THAP4: variants seen among roughly 807,000 people sequenced by gnomAD.
THAP4 encodes THAP domain containing 4.
In THAP4, 18 loss-of-function variants were observed where a neutral mutation model predicts 48.1. The observed-to-expected ratio is 0.37, with a 90% CI of 0.26 to 0.56. THAP4 has a LOEUF of 0.56. THAP4 is among the 20% of genes least tolerant of loss of function. The pLI is 0.78. For synonymous variants in THAP4, 345 were observed against 324.9 expected, an observed-to-expected ratio of 1.06 and a Z score of -0.66; for missense variants, 656 against 774.9, an observed-to-expected ratio of 0.85 and a Z score of 1.82.
chr2:241,602,061 ACT>A, intron 4 of THAP4, 62 bp from the exon 5 acceptor site: 1 of 1,531,868 alleles, frequency 6.5e-7, no homozygotes, highest in Non-Finnish European at 8.9e-7. Flanking sequence ...GGCAGCCTTG[ACT>A]CTCCTTGCCT....
At chr2:241,622,020 A>G (rs1488597703) in intron 2 of THAP4, among the ~76,000 whole-genome samples, 1 of 152,202 alleles carries the variant, frequency 6.6e-6, no homozygotes, top group Non-Finnish European at 1.5e-5. Flanking sequence ...AAGGAGAAGT[A>G]AAGAACTTAC....
intron 2 of THAP4, among the ~76,000 whole-genome samples, chr2:241,609,254 A>G (rs745758693): frequency 6.6e-6 from 1 of 152,086 alleles, no homozygotes; most frequent in Non-Finnish European, 1.5e-5. Context: ...TGAAACACGT[A>G]AGAAAAGATG....
At position 241,592,836 on chromosome 2, in the gene THAP4, C is replaced by T. The variant is rs540174808; in HGVS notation, c.1615-8111G>A. Among the ~76,000 whole-genome samples the T allele has an allele frequency of 3.9e-5, 6 of 152,304 alleles. No homozygotes were observed. The South Asian group carries it at 1.0e-3, about 26-fold the overall frequency. ...GGGAAATGCCCCAAACAGCAGTCAG[C>T]GGGGCCACAGTGCCTAACAAGGGCC... On this transcript the variant is annotated intron_variant, in intron 5 of 5. Transcript: ENST00000407315.
chr2:241,594,214 T>C (rs1260232242), intron 5 of THAP4, among the ~76,000 whole-genome samples: 4 of 152,074 alleles, frequency 2.6e-5, no homozygotes, highest in African/African-American at 7.2e-5. Flanking sequence ...GAAGGAAGAT[T>C]AGTGGTAGCC....
intron 2 of THAP4, among the ~76,000 whole-genome samples, chr2:241,629,178 C>G (rs896433835): frequency 6.6e-6 from 1 of 152,082 alleles, no homozygotes; most frequent in African/African-American, 2.4e-5. Context: ...GTTTTTAAAA[C>G]TGAAAGATGG....
At chr2:241,590,790 G>A (rs2066963054) in intron 5 of THAP4, among the ~76,000 whole-genome samples, 1 of 151,782 alleles carries the variant, frequency 6.6e-6, no homozygotes, top group African/African-American at 2.4e-5. Flanking sequence ...AGGACACTCA[G>A]AGCTGCTCGG....
intron 5 of THAP4, among the ~76,000 whole-genome samples, chr2:241,595,983 G>A (rs1214483529): frequency 2.0e-4 from 31 of 152,194 alleles, no homozygotes; most frequent in Admixed American, 2.0e-3. Flanking sequence ...GGCTGCACGT[G>A]GAAAGGATGC....
rs779909092 is a variant in THAP4 at position 241,633,694 on chromosome 2, G to A, written c.463C>T (p.Pro155Ser). 1 of 1,611,738 alleles carries A rather than the reference G, an allele frequency of 6.2e-7. No homozygotes were observed. The highest frequency in any genetic ancestry group is 2.2e-5 in the East Asian group (1 of 44,864). Residue 155 changes from proline to serine, a missense_variant, in exon 2 of 6, where the codon CCC becomes TCC. Physicochemically the swap from Pro to Ser is moderately conservative, Grantham distance 74. Around this residue, in one of 4 missense-constraint regions of THAP4, gnomAD observed 391 missense variants for 412.4 expected, o/e 0.95. Transcript: ENST00000407315. This position sits in a 1 kb window ranked among gnomAD's most constrained non-coding sequence, Gnocchi z 7.5. ...CTGGCGGCCTCCTGGGCCGCCCTGG[G>A]TGTGGCTTCACCTTGCAGAGCAGCT... is the stretch of plus-strand genomic sequence containing the variant. ...KQAALQGEAT[P>S]RAAQEAASQE...
chr2:241,634,870 T>C (rs1401016056), intron 1 of THAP4, among the ~76,000 whole-genome samples: 1 of 152,214 alleles, frequency 6.6e-6, no homozygotes, highest in Non-Finnish European at 1.5e-5. Flanking sequence ...GAGGACATTA[T>C]ACTGAATGAA....
chr2:241,625,307 T>C (rs2067482753), intron 2 of THAP4, among the ~76,000 whole-genome samples: 1 of 151,710 alleles, frequency 6.6e-6, no homozygotes, highest in African/African-American at 2.4e-5. Context: ...GGACCCTGTC[T>C]GTACAAAAAT....
At chr2:241,600,730 A>AAAG (rs1157521528) in intron 5 of THAP4, among the ~76,000 whole-genome samples, 1 of 150,176 alleles carries the variant, frequency 6.7e-6, no homozygotes, top group East Asian at 1.9e-4. Context: ...TCCGTCTCAA[A>AAAG]AAAAAAAAAA....
chr2:241,635,989 G>A (rs2067641668), intron 1 of THAP4, among the ~76,000 whole-genome samples: 1 of 151,922 alleles, frequency 6.6e-6, no homozygotes, highest in South Asian at 2.1e-4. Flanking sequence ...CAATTCCGAT[G>A]TCCTTTCCTC....
rs1475234720 is a variant in THAP4 at position 241,612,334 on chromosome 2, G to GT, written c.1241-5862dup. 6.6e-6 allele frequency among the ~76,000 whole-genome samples: 1 copy of GT among 152,200 alleles called. No homozygotes were observed. The highest frequency in any genetic ancestry group is 1.5e-5 in the Non-Finnish European group (1 of 68,042). ...CGCCTGGCACACTGCTGATGGGGAC[G>GT]TGAACTGGCACAGCCTAGTGAAGAC... On this transcript the variant is annotated intron_variant, in intron 2 of 5. Coordinates refer to ENST00000407315, the MANE Select transcript of THAP4 (RefSeq NM_015963.6). This position sits in a 1 kb window ranked among gnomAD's most constrained non-coding sequence, Gnocchi z 4.1.
chr2:241,637,332 G>C, upstream of THAP4: 1 of 1,264,562 alleles, frequency 7.9e-7, no homozygotes, highest in South Asian at 1.4e-5. Flanking sequence ...AGTCCGTACC[G>C]CGACATGGGC....
intron 2 of THAP4, among the ~76,000 whole-genome samples, chr2:241,628,638 G>GC (rs1024408089): frequency 2.0e-5 from 3 of 147,512 alleles, no homozygotes; most frequent in Non-Finnish European, 3.0e-5. Flanking sequence ...AGTCACCAGC[G>GC]CCCCCCTCAA....
rs2067289039 is a variant in THAP4, at chr2:241,612,417, T to G, written c.1241-5944A>C. On this transcript the variant is annotated intron_variant, in intron 2 of 5. Transcript: ENST00000407315. The surrounding 1 kb of genome is among the most constrained non-coding windows in gnomAD (Gnocchi z 4.1). Reference sequence around the variant, plus strand: ...AGCAGTGGCCCAGGACTGCCACTCCTGGAGACATGCACTCCCAGCAGAAAT... The same window carrying G: ...AGCAGTGGCCCAGGACTGCCACTCCGGGAGACATGCACTCCCAGCAGAAAT... Among the ~76,000 whole-genome samples, 1 of 152,158 alleles carries G rather than the reference T, an allele frequency of 6.6e-6. No homozygotes were observed. Among genetic ancestry groups the G allele is most frequent in the African/African-American group, 2.4e-5 (1 of 41,428 alleles).
intron 2 of THAP4, among the ~76,000 whole-genome samples, chr2:241,625,481 C>CAA (rs67920958): frequency 3.4e-5 from 3 of 88,428 alleles, no homozygotes; most frequent in Non-Finnish European, 6.8e-5. Context: ...GACACTGTCT[C>CAA]AAAAAAAAAA....
intron 2 of THAP4, among the ~76,000 whole-genome samples, chr2:241,606,679 A>G (rs1175549920): frequency 6.6e-6 from 1 of 152,234 alleles, no homozygotes; most frequent in Non-Finnish European, 1.5e-5. Context: ...CAGTTCCTGC[A>G]GAGAAAAGAG....
intron 5 of THAP4, among the ~76,000 whole-genome samples, chr2:241,590,883 C>T (rs113678420): frequency 1.5e-3 from 144 of 92,924 alleles, no homozygotes; most frequent in East Asian, 3.4e-3. Flanking sequence ...GCCCGGCTGA[C>T]GATGATGGGC....
Sources: allele counts gnomAD v4.1 joint callset (sites outside exome capture counted in the v4.1 genomes callset), GRCh38; gene constraint gnomAD v4.1.1; regional missense constraint gnomAD v4.1.1; non-coding constraint Gnocchi (gnomAD v3.1); transcripts MANE v1.5; gene names NCBI Gene and HGNC (gene_info 2026-07-23, HGNC 2026-07-21).